TASL: variants seen among roughly 807,000 people sequenced by gnomAD.
TASL encodes the protein TLR adapter interacting with SLC15A4 on the lysosome.
TASL carries 6 observed loss-of-function variants against 12.9 expected under a neutral mutation model. That is an observed-to-expected ratio of 0.46 (90% CI 0.25 to 0.92). The LOEUF is 0.92. TASL is among the 40% of genes least tolerant of loss of function. The pLI is 0.17. For missense variants in TASL, 165 were observed against 212.8 expected (o/e 0.78, Z 1.40); for synonymous variants, 85 against 79.3 (o/e 1.07, Z -0.38).
At chrX:30,577,584 A>G (rs1338778486) in intron 1 of TASL, 54 bp downstream of exon 1, 1 of 112,224 alleles carries the variant, frequency 8.9e-6, no homozygotes, top group East Asian at 2.8e-4. Context: ...GTGAGAAGAC[A>G]GATGACAAAA....
intron 2 of TASL, among the ~76,000 whole-genome samples, chrX:30,571,474 G>T (rs925131201): frequency 9.2e-6 from 1 of 109,090 alleles, no homozygotes; most frequent in African/African-American, 3.4e-5. Context: ...CAAAAAATTA[G>T]CAGGGCGTGG....
rs1432151183 is a variant in TASL, at chrX:30,559,348, T to C, written c.*102A>G. 1.6e-6 allele frequency: 1 copy of C among 610,541 alleles called. No homozygotes were observed. Among genetic ancestry groups the C allele is most frequent in the Non-Finnish European group, 2.6e-6 (1 of 391,339 alleles). The allele number at this position is 610,541 out of a possible 1,213,427, so 50.3% of individuals were successfully genotyped here. On this transcript the variant is annotated 3_prime_UTR_variant, in exon 3 of 3. Transcript: ENST00000378962. ...CAGCTGATCTTTACTTCTCTAGCCC[T>C]TAATTCCCCTTCACTAACCCCTCCT...
chrX:30,559,454 G>T lies in TASL; in HGVS notation c.902C>A (p.Pro301Gln). The T allele has an allele frequency of 1.7e-6, 2 of 1,158,457 alleles. No homozygotes were observed. Among genetic ancestry groups the T allele is most frequent in the Non-Finnish European group, 2.3e-6 (2 of 865,145 alleles). The change falls in exon 3 of 3, where the codon CCA becomes CAA. Residue 301 changes from proline to glutamine, a missense_variant. Transcript: ENST00000378962. ...LHISQYSNVN[P>Q] ...ACAGTAATGGAAGCATCCTCTCTAT[G>T]GATTTACATTGCTATACTGAGAAAT... is the stretch of plus-strand genomic sequence containing the variant.
intron 2 of TASL, among the ~76,000 whole-genome samples, chrX:30,563,111 T>C (rs1423342420): frequency 9.0e-6 from 1 of 111,629 alleles, no homozygotes; most frequent in Non-Finnish European, 1.9e-5. Flanking sequence ...GTAGTTCCCA[T>C]AATCCCCACG....
intron 2 of TASL, among the ~76,000 whole-genome samples, chrX:30,567,752 A>C (rs1023938817): frequency 4.5e-5 from 5 of 111,567 alleles, no homozygotes; most frequent in Admixed American, 3.8e-4. Context: ...GCAACACAGC[A>C]TGCTATTTAA....
chrX:30,569,114 C>T (rs941863304), intron 2 of TASL, among the ~76,000 whole-genome samples: 2 of 111,197 alleles, frequency 1.8e-5, no homozygotes, highest in Non-Finnish European at 3.8e-5. Context: ...GGTAAGGAAG[C>T]TGATTCACCA....
intron 2 of TASL, among the ~76,000 whole-genome samples, chrX:30,571,548 G>T (rs944986597): frequency 9.2e-6 from 1 of 108,703 alleles, no homozygotes; most frequent in Non-Finnish European, 1.9e-5. Flanking sequence ...TGAATGGGGT[G>T]GGGTCATGGG....
chrX:30,560,876 C>A, intron 2 of TASL, among the ~76,000 whole-genome samples: 1 of 110,688 alleles, frequency 9.0e-6, no homozygotes, highest in Non-Finnish European at 1.9e-5. Flanking sequence ...GAAATTGGAT[C>A]GTGAAGAGCC....
chrX:30,564,425 G>A (rs1005070390), intron 2 of TASL, among the ~76,000 whole-genome samples: 2 of 107,594 alleles, frequency 1.9e-5, no homozygotes, highest in African/African-American at 3.3e-5. Context: ...AGTGAAAATC[G>A]ATCTATACCT....
intron 2 of TASL, among the ~76,000 whole-genome samples, chrX:30,573,014 C>A (rs892116879): frequency 8.9e-6 from 1 of 111,986 alleles, no homozygotes; most frequent in Non-Finnish European, 1.9e-5. Flanking sequence ...CCAGGCATAG[C>A]CCTTAACCTT....
rs1353222611 is a variant in TASL, at chrX:30,559,521, T to C, written c.835A>G (p.Met279Val). The C allele has an allele frequency of 2.5e-6, 3 of 1,206,423 alleles. No individual in the cohort carries two copies. The highest frequency in any genetic ancestry group is 3.4e-6 in the Non-Finnish European group (3 of 891,304). ...CTAATTTCAGTAATTTCAGTTGACA[T>C]CAATTGCAATAGGCGGCTAAAGACT... ...DIVFSRLLQL[M>V]STEITEISTP... Residue 279 changes from methionine to valine, a missense_variant, in exon 3 of 3, where the codon ATG (methionine) becomes GTG (valine). Physicochemically the swap from Met to Val is conservative, Grantham distance 21. Transcript: ENST00000378962.
chrX:30,561,137 A>G (rs1377611697), intron 2 of TASL, among the ~76,000 whole-genome samples: 4 of 112,220 alleles, frequency 3.6e-5, no homozygotes, highest in Non-Finnish European at 7.5e-5. Context: ...AGAATTTTCA[A>G]CAATGACATG....
rs1555998462 is a variant in TASL, at chrX:30,571,278, G to GAA, written c.-2+5472_-2+5473dup. 1.2e-3 allele frequency among the ~76,000 whole-genome samples: 89 copies of GAA among 74,625 alleles called. 1 individual carries two copies. Among genetic ancestry groups the GAA allele is most frequent in the Admixed American group, 2.6e-3 (17 of 6,626 alleles). 64.8% of individuals were successfully genotyped at this position (74,625 alleles called of 115,157 possible). On this transcript the variant is annotated intron_variant, in intron 2 of 2. Coordinates refer to ENST00000378962, the MANE Select transcript of TASL (RefSeq NM_025159.3). ...AAAGAGAAAGAAAGAAAGAAAGAAA[G>GAA]AAAGAAAGAAAGAAAGAAAGAAAGA...
chrX:30,567,134 C>A (rs1262916905), intron 2 of TASL, among the ~76,000 whole-genome samples: 1 of 109,921 alleles, frequency 9.1e-6, no homozygotes, highest in Non-Finnish European at 1.9e-5. Context: ...ACAAGAAATT[C>A]AAAAATTAGC....
intron 2 of TASL, among the ~76,000 whole-genome samples, chrX:30,569,109 G>A (rs1248865819): frequency 9.0e-6 from 1 of 111,317 alleles, no homozygotes; most frequent in Admixed American, 9.6e-5. Flanking sequence ...TGGCAGGTAA[G>A]GAAGCTGATT....
At chrX:30,568,721 A>C (rs1569305560) in intron 2 of TASL, among the ~76,000 whole-genome samples, 1 of 110,953 alleles carries the variant, frequency 9.0e-6, no homozygotes, top group Non-Finnish European at 1.9e-5. Flanking sequence ...TTTTATAAGT[A>C]CTCCTGATAA....
intron 2 of TASL, among the ~76,000 whole-genome samples, chrX:30,571,640 G>A (rs760098893): frequency 2.7e-5 from 3 of 109,397 alleles, no homozygotes; most frequent in South Asian, 7.9e-4. Flanking sequence ...AAAAAAGGGG[G>A]GGGGGGCATT....
rs1930594314 is a variant in TASL, at chrX:30,571,254, AAGAGAAAG to A, written c.-2+5490_-2+5497del. Among the ~76,000 whole-genome samples the A allele has an allele frequency of 4.5e-5, 2 of 44,938 alleles. 1 individual carries two copies. Among genetic ancestry groups the A allele is most frequent in the Admixed American group, 6.3e-4 (2 of 3,192 alleles). 39.0% of individuals were successfully genotyped at this position (44,938 alleles called of 115,157 possible). Reference sequence around the variant, plus strand: ...AAGGAAGGAAGGAAAAAGAGAAAGAAAGAGAAAGAAAGAAAGAAAGAAAGAAAGAAAGA... The same window carrying A: ...AAGGAAGGAAGGAAAAAGAGAAAGAAAAAGAAAGAAAGAAAGAAAGAAAGA... On this transcript the variant is annotated intron_variant, in intron 2 of 2. Transcript: ENST00000378962.
chrX:30,577,572 G>C (rs1226536304), intron 1 of TASL, 66 bp downstream of exon 1: 2 of 112,100 alleles, frequency 1.8e-5, no homozygotes, highest in African/African-American at 3.2e-5. Context: ...GGCTAAGAAA[G>C]CGTGAGAAGA....
Sources: allele counts gnomAD v4.1 joint callset (sites outside exome capture counted in the v4.1 genomes callset), GRCh38; gene constraint gnomAD v4.1.1; transcripts MANE v1.5; gene names NCBI Gene and HGNC (gene_info 2026-07-23, HGNC 2026-07-21).